NR1H3: variants seen among roughly 807,000 people sequenced by gnomAD.
NR1H3 encodes oxysterols receptor LXR-alpha.
In NR1H3, 19 loss-of-function variants were observed where a neutral mutation model predicts 48.1. The observed-to-expected ratio is 0.40, with a 90% confidence interval of 0.28 to 0.58. The LOEUF (loss-of-function observed/expected upper bound fraction) is 0.58. NR1H3 is among the 20% of genes least tolerant of loss of function. The pLI is 0.50. For synonymous variants in NR1H3, 232 were observed against 227.3 expected, an observed-to-expected ratio of 1.02 and a Z score of -0.19; for missense variants, 486 against 595.9, an observed-to-expected ratio of 0.82 and a Z score of 1.92.
Position 47,268,837 on chromosome 11 carries a change from T to C in NR1H3, c.*141T>C. ...ATCCTCCCGTGGCATTAAAAGAGAG[T>C]CAAAGGGTTGCGAGTTTTGTGGCTA... On this transcript the variant is annotated 3_prime_UTR_variant, in exon 10 of 10. Coordinates refer to ENST00000441012, the MANE Select transcript of NR1H3 (RefSeq NM_005693.4). 1 of 1,106,506 alleles carries C rather than the reference T, an allele frequency of 9.0e-7. No homozygotes were observed. Among genetic ancestry groups the C allele is most frequent in the Non-Finnish European group, 1.3e-6 (1 of 784,160 alleles). 68.5% of individuals were successfully genotyped at this position (1,106,506 alleles called of 1,614,324 possible).
intron 2 of NR1H3, 164 bp from the exon 3 acceptor site, chr11:47,259,627 A>G: frequency 6.8e-7 from 1 of 1,460,150 alleles, no homozygotes; most frequent in Non-Finnish European, 9.0e-7. Flanking sequence ...ACAAGTGACT[A>G]GTCCTAGCTA....
Position 47,262,016 on chromosome 11 carries a change from C to T in NR1H3, c.986C>T (p.Ala329Val), listed in dbSNP as rs1955928024. The change falls in exon 7 of 10, where the codon GCA becomes GTA. Residue 329 changes from alanine to valine, a missense_variant and splice_region_variant. Coordinates refer to ENST00000441012, the MANE Select transcript of NR1H3 (RefSeq NM_005693.4). ...FSYNREDFAK[A>V]GLQVEFINPI... ...TATAACCGGGAAGACTTTGCCAAAG[C>T]AGGTGAGAACTGAGATCACACAGGG... The T allele has an allele frequency of 3.1e-6, 5 of 1,606,122 alleles. No individual in the cohort carries two copies. Among genetic ancestry groups the T allele is most frequent in the Non-Finnish European group, 4.3e-6 (5 of 1,172,864 alleles).
rs894369018 is a variant in NR1H3 at position 47,260,067 on chromosome 11, A to G, written c.232+88A>G. 3.4e-6 allele frequency: 4 copies of G among 1,160,862 alleles called. No homozygotes were observed. The African/African-American group carries it at 4.7e-5, about 14-fold the overall frequency. The allele number at this position is 1,160,862 out of a possible 1,614,324, so 71.9% of individuals were successfully genotyped here. On this transcript the variant is annotated intron_variant, in intron 3 of 9. Coordinates refer to ENST00000441012, the MANE Select transcript of NR1H3 (RefSeq NM_005693.4). ...GGTTCCTTGGGGGTTTTTACTTTAT[A>G]TATAATCTCATGGTTAAGTTCAGAG...
At chr11:47,260,110 A>C in intron 3 of NR1H3, 131 bp downstream of exon 3, 2 of 865,610 alleles carry the variant, frequency 2.3e-6, no homozygotes, top group Non-Finnish European at 3.4e-6. Context: ...AGCTAACTAA[A>C]TCTGACTGAT....
chr11:47,266,623 C>T (rs1331745707), intron 7 of NR1H3, among the ~76,000 whole-genome samples: 3 of 151,282 alleles, frequency 2.0e-5, no homozygotes, highest in African/African-American at 7.3e-5. Context: ...GATAAGCCAC[C>T]GCATCCAGCC....
rs1200024500 is a variant in NR1H3 at position 47,258,033 on chromosome 11, AC to A, written c.-132del. 1 of 985,068 alleles carries A rather than the reference AC, an allele frequency of 1.0e-6. No homozygotes were observed. Among genetic ancestry groups the A allele is most frequent in the East Asian group, 1.1e-4 (1 of 8,788 alleles). The allele number at this position is 985,068 out of a possible 1,614,324, so 61.0% of individuals were successfully genotyped here. A position where few individuals can be genotyped will look rare whatever the true frequency, so the allele number is the denominator to read the frequency against. On this transcript the variant is annotated 5_prime_UTR_variant, in exon 1 of 10. Transcript: ENST00000441012. ...CTCAGCTCCAGCTCACTGGCTGGCCACCGAGACTTCTGGACAGGAAACTGCA... is the reference window on the plus strand; with the variant it reads ...CTCAGCTCCAGCTCACTGGCTGGCCACGAGACTTCTGGACAGGAAACTGCA...
At chr11:47,260,803 G>C in intron 4 of NR1H3, 128 bp downstream of exon 4, 1 of 1,267,120 alleles carries the variant, frequency 7.9e-7, no homozygotes, top group Non-Finnish European at 1.1e-6. Flanking sequence ...TATCTTTCTT[G>C]ACCGGGCGCG....
At position 47,268,667 on chromosome 11, in the gene NR1H3, C is replaced by A; in HGVS notation, c.1315C>A (p.Leu439Ile). 2 of 1,614,202 alleles carry A rather than the reference C, an allele frequency of 1.2e-6. No homozygotes were observed. Among genetic ancestry groups the A allele is most frequent in the Non-Finnish European group, 1.7e-6 (2 of 1,180,038 alleles). ...RLQDKKLPPL[L>I]SEIWDVHE ...GCAGGACAAAAAGCTCCCACCGCTG[C>A]TCTCTGAGATCTGGGATGTGCACGA... The change falls in exon 10 of 10, where the codon CTC becomes ATC. Residue 439 changes from leucine (L) to isoleucine (I), a missense_variant. Physicochemically the swap from Leu to Ile is conservative, Grantham distance 5. Coordinates refer to ENST00000441012, the MANE Select transcript of NR1H3 (RefSeq NM_005693.4).
chr11:47,261,851 C>T, intron 6 of NR1H3, 68 bp from the exon 7 acceptor site: 1 of 1,588,880 alleles, frequency 6.3e-7, no homozygotes, highest in Non-Finnish European at 8.6e-7. Flanking sequence ...AATCGGCCTC[C>T]CTGGAAGAGG....
At chr11:47,248,477 A>G (rs1161630317), upstream of NR1H3, 1 of 1,548,824 alleles carries the variant, frequency 6.5e-7, no homozygotes, top group African/African-American at 1.4e-5. Flanking sequence ...GTCTCAAGGC[A>G]GACTCACCCC....
intron 7 of NR1H3, among the ~76,000 whole-genome samples, chr11:47,262,904 G>A (rs1956059699): frequency 6.6e-6 from 1 of 152,104 alleles, no homozygotes; most frequent in Admixed American, 6.6e-5. Flanking sequence ...CTTGTTTTTT[G>A]AAGATAGAAA....
upstream of NR1H3, among the ~76,000 whole-genome samples, chr11:47,255,591 T>TC (rs1565178611): frequency 1.4e-3 from 82 of 59,436 alleles, no homozygotes; most frequent in East Asian, 0.013. Flanking sequence ...CTTTCTTTCT[T>TC]TCTTTCTCTC....
chr11:47,250,855 G>C (rs184287005), intron 1 of NR1H3, among the ~76,000 whole-genome samples: 2 of 152,202 alleles, frequency 1.3e-5, no homozygotes, highest in Non-Finnish European at 2.9e-5. Context: ...GGCACAGTTT[G>C]AGAATGGATT....
At chr11:47,267,298 C>T (rs1409641705) in intron 7 of NR1H3, among the ~76,000 whole-genome samples, 2 of 152,034 alleles carry the variant, frequency 1.3e-5, no homozygotes, top group East Asian at 3.9e-4. Flanking sequence ...TAGAACAAGA[C>T]CCTGTCTCAA....
intron 1 of NR1H3, among the ~76,000 whole-genome samples, chr11:47,250,924 C>A (rs1354482774): frequency 1.4e-4 from 21 of 152,044 alleles, no homozygotes; most frequent in African/African-American, 4.8e-4. Context: ...CTTTGGGAGG[C>A]CGAGGCGGGT....
At chr11:47,260,360 A>G in intron 3 of NR1H3, 49 bp from the exon 4 acceptor site, 2 of 1,565,752 alleles carry the variant, frequency 1.3e-6, no homozygotes, top group South Asian at 1.2e-5. Context: ...CAGGGAGAAC[A>G]TGATGTTTTT....
intron 7 of NR1H3, among the ~76,000 whole-genome samples, chr11:47,265,570 C>T (rs1227128174): frequency 6.6e-6 from 1 of 152,036 alleles, no homozygotes; most frequent in Non-Finnish European, 1.5e-5. Flanking sequence ...AGACTGTTTC[C>T]AAGAAAAATG....
At chr11:47,257,509 G>A (rs1341260734), upstream of NR1H3, 1 of 277,336 alleles carries the variant, frequency 3.6e-6, no homozygotes, top group Non-Finnish European at 5.5e-6. Context: ...GCTTGGCTGA[G>A]GCCTGGGGCT....
chr11:47,249,225 GC>G (rs962316403), intron 1 of NR1H3, among the ~76,000 whole-genome samples: 1 of 152,086 alleles, frequency 6.6e-6, no homozygotes, highest in African/African-American at 2.4e-5. Flanking sequence ...TTCTCTCCAC[GC>G]CCCTGCCTTT....
Sources: allele counts gnomAD v4.1 joint callset (sites outside exome capture counted in the v4.1 genomes callset), GRCh38; gene constraint gnomAD v4.1.1; transcripts MANE v1.5; gene names NCBI Gene and HGNC (gene_info 2026-07-23, HGNC 2026-07-21).